Variants in DGLUCY observed in about 807,000 individuals in gnomAD.
DGLUCY encodes the protein D-glutamate cyclase, mitochondrial.
In DGLUCY, 58 loss-of-function variants were observed where a neutral mutation model predicts 58.5. That is an observed-to-expected ratio of 0.99 (90% confidence interval 0.80 to 1.23). The LOEUF (loss-of-function observed/expected upper bound fraction) is 1.23, where lower values mean the gene tolerates loss of function less well. Ranked by LOEUF, DGLUCY falls within the 50% of genes most tolerant of loss-of-function variation. DGLUCY has a pLI of 0.00. For missense variants in DGLUCY, 779 were observed against 784.7 expected (o/e 0.99, Z 0.09); for synonymous variants, 325 against 314.1 (o/e 1.03, Z -0.37).
chr14:91,179,011 G>GA (rs1192811787), intron 7 of DGLUCY, among the ~76,000 whole-genome samples: 1 of 151,546 alleles, frequency 6.6e-6, no homozygotes, highest in Non-Finnish European at 1.5e-5. Context: ...GTGATAGAGC[G>GA]AGACTCTGTC....
intron 1 of DGLUCY, among the ~76,000 whole-genome samples, chr14:91,150,325 C>T (rs2047253836): frequency 6.6e-6 from 1 of 151,924 alleles, no homozygotes; most frequent in South Asian, 2.1e-4. Flanking sequence ...GAACAGGGGC[C>T]CCGGGGCTAG....
rs758836536 is a variant in DGLUCY at position 91,204,710 on chromosome 14, C to T, written c.1449C>T (p.Val483=). 6.2e-6 allele frequency: 10 copies of T among 1,613,668 alleles called. No individual in the cohort carries two copies. The highest frequency in any genetic ancestry group is 5.5e-5 in the South Asian group (5 of 90,984). The change falls in exon 12 of 14, where the codon GTC becomes GTT. Residue 483 remains valine (V), a synonymous_variant. Coordinates refer to ENST00000256324, the MANE Select transcript of DGLUCY (RefSeq NM_001102368.3). ...CTCAGCTCCCCTTCCCTTCAGGAGT[C>T]GGTGATGGAGGCAACGAGCTTGGGA... ...KKIPGISSTG[V]GDGGNELGMG... is the part of the protein sequence containing the mutation.
chr14:91,081,848 C>T (rs982166005), intron 1 of DGLUCY, among the ~76,000 whole-genome samples: 2 of 152,146 alleles, frequency 1.3e-5, no homozygotes, highest in African/African-American at 4.8e-5. Flanking sequence ...TCAAGCGATT[C>T]TCCTGCCTTG....
intron 8 of DGLUCY, among the ~76,000 whole-genome samples, chr14:91,184,550 TGAAAGAAA>T (rs367861135): frequency 6.3e-5 from 6 of 95,584 alleles, no homozygotes; most frequent in African/African-American, 1.4e-4. Flanking sequence ...CAATACCCTG[TGAAAGAAA>T]GAAAGAAAGA....
chr14:91,161,364 C>G (rs2047970977), intron 3 of DGLUCY, among the ~76,000 whole-genome samples: 1 of 152,246 alleles, frequency 6.6e-6, no homozygotes, highest in Non-Finnish European at 1.5e-5. Flanking sequence ...GCCACCGCAC[C>G]AGGCCCAACA....
At chr14:91,189,978 C>CTTTTTTT (rs55652724) in intron 9 of DGLUCY, among the ~76,000 whole-genome samples, 1 of 81,004 alleles carries the variant, frequency 1.2e-5, no homozygotes, top group Non-Finnish European at 2.3e-5. Flanking sequence ...CTGTTAGGTT[C>CTTTTTTT]TTTTTTTTTT....
At chr14:91,093,868 C>T (rs1392744419) in intron 1 of DGLUCY, among the ~76,000 whole-genome samples, 2 of 151,966 alleles carry the variant, frequency 1.3e-5, no homozygotes, top group East Asian at 3.9e-4. Flanking sequence ...AAGGTCACAT[C>T]TTGTATGGTT....
At chr14:91,135,013 CT>C (rs1261494873) in intron 1 of DGLUCY, among the ~76,000 whole-genome samples, 1 of 152,102 alleles carries the variant, frequency 6.6e-6, no homozygotes, top group Non-Finnish European at 1.5e-5. Flanking sequence ...CAACCTCCCC[CT>C]CCCAGGCTCA....
chr14:91,203,662 T>C (rs1013997944), intron 11 of DGLUCY, among the ~76,000 whole-genome samples: 2 of 131,004 alleles, frequency 1.5e-5, no homozygotes, highest in Admixed American at 8.7e-5. Context: ...CAGGGCTTGA[T>C]AGGTTTTTTT....
At chr14:91,140,200 TTCC>T (rs1345329203) in intron 1 of DGLUCY, among the ~76,000 whole-genome samples, 1 of 152,166 alleles carries the variant, frequency 6.6e-6, no homozygotes, top group Non-Finnish European at 1.5e-5. Context: ...CCTCTTCCCT[TTCC>T]TCCTCCTCCT....
In DGLUCY at chr14:91,188,985, C is replaced by T. The variant is rs2049698162; in HGVS notation, c.1010C>T (p.Ser337Leu). The T allele has an allele frequency of 6.2e-7, 1 of 1,614,084 alleles. No individual in the cohort carries two copies. Among genetic ancestry groups the T allele is most frequent in the African/African-American group, 1.3e-5 (1 of 74,936 alleles). The stretch of plus-strand genomic sequence containing the variant: ...TCTCTCTCGCTGTCCCATGCCCGCT[C>T]AGTGCTCATCACCACTGGGTTCCCC... ...KASLSLSHAR[S>L]VLITTGFPTH... is the part of the protein sequence containing the mutation. Residue 337 changes from serine to leucine, a missense_variant, in exon 9 of 14, where the codon TCA becomes TTA. Ser to Leu is a moderately radical substitution (Grantham distance 145, BLOSUM62 -2). Transcript: ENST00000256324.
intron 5 of DGLUCY, 40 bp from the exon 6 acceptor site, chr14:91,173,249 T>G: frequency 6.2e-7 from 1 of 1,611,710 alleles, no homozygotes; most frequent in Non-Finnish European, 8.5e-7. Context: ...TAATTCCATT[T>G]TTTAACATTT....
At chr14:91,174,326 GAC>G (rs1312785057) in intron 6 of DGLUCY, among the ~76,000 whole-genome samples, 1 of 152,034 alleles carries the variant, frequency 6.6e-6, no homozygotes, top group Non-Finnish European at 1.5e-5. Context: ...TTATTTTTGA[GAC>G]ACAGTTTCCC....
intron 5 of DGLUCY, 43 bp from the exon 6 acceptor site, chr14:91,173,246 A>C: frequency 6.2e-7 from 1 of 1,608,086 alleles, no homozygotes; most frequent in African/African-American, 1.4e-5. Context: ...TGCTAATTCC[A>C]TTTTTTAACA....
chr14:91,144,187 G>C (rs899515234), intron 1 of DGLUCY, among the ~76,000 whole-genome samples: 1 of 152,210 alleles, frequency 6.6e-6, no homozygotes, highest in Non-Finnish European at 1.5e-5. Context: ...GGGGTGGGAG[G>C]GTCCCTGGGA....
At chr14:91,110,615 G>T (rs1280880886), upstream of DGLUCY, among the ~76,000 whole-genome samples, 3 of 151,756 alleles carry the variant, frequency 2.0e-5, no homozygotes, top group Non-Finnish European at 4.4e-5. Context: ...ATTTTTAGTA[G>T]AGACAAGGGT....
At chr14:91,121,733 A>G (rs541948008) in intron 1 of DGLUCY, among the ~76,000 whole-genome samples, 7 of 152,208 alleles carry the variant, frequency 4.6e-5, no homozygotes, top group African/African-American at 1.7e-4. Flanking sequence ...TTTATCTATC[A>G]TCAAGTATTT....
chr14:91,207,929 G>T (rs1376270378), intron 12 of DGLUCY, among the ~76,000 whole-genome samples: 1 of 151,966 alleles, frequency 6.6e-6, no homozygotes, highest in Admixed American at 6.6e-5. Context: ...TATTTTTTTA[G>T]TAGAGACGGA....
intron 1 of DGLUCY, among the ~76,000 whole-genome samples, chr14:91,061,177 T>C (rs1175564158): frequency 6.6e-6 from 1 of 152,162 alleles, no homozygotes; most frequent in Non-Finnish European, 1.5e-5. Context: ...CCGGCAGCGA[T>C]CCATGCGTGT....
Sources: gnomAD v4.1 joint callset for allele counts (sites outside exome capture counted in the v4.1 genomes callset) on GRCh38, gnomAD v4.1.1 for gene constraint, MANE v1.5 for transcripts, NCBI Gene and HGNC (gene_info 2026-07-23, HGNC 2026-07-21) for gene names.